The following HS6ST3 variants were observed in gnomAD, a reference collection of about 807,000 sequenced individuals.
HS6ST3 encodes heparan-sulfate 6-O-sulfotransferase 3.
In HS6ST3, 12 loss-of-function variants were observed where a neutral mutation model predicts 36.7. That is an observed-to-expected ratio of 0.33 (90% CI 0.21 to 0.53). The LOEUF is 0.53. Among genes scored for constraint, HS6ST3 ranks in the 20% least tolerant of loss-of-function variants. The pLI is 0.95. For missense variants in HS6ST3, 584 were observed against 640.9 expected, an observed-to-expected ratio of 0.91 and a Z score of 0.96; for synonymous variants, 240 against 257.5, an observed-to-expected ratio of 0.93 and a Z score of 0.65.
At chr13:96,288,492 A>T (rs1331922101) in intron 1 of HS6ST3, among the ~76,000 whole-genome samples, 2 of 152,166 alleles carry the variant, frequency 1.3e-5, no homozygotes, top group Non-Finnish European at 2.9e-5. Flanking sequence ...GAATATAAAG[A>T]TGGGTATCAG....
chr13:96,129,645 G>C (rs978945730), intron 1 of HS6ST3, among the ~76,000 whole-genome samples: 2 of 152,150 alleles, frequency 1.3e-5, no homozygotes, highest in Admixed American at 6.5e-5. Context: ...GTGATGATTT[G>C]AATTGTGTTT....
In HS6ST3 at chr13:96,166,575, C is replaced by CTTTTTT. The variant is rs765190619; in HGVS notation, c.707+75018_707+75023dup. On this transcript the variant is annotated intron_variant, in intron 1 of 1. Transcript: ENST00000376705. ...TTTGCTTTTCTTTCTTTCTTTCTTT[C>CTTTTTT]TTTTTTTTTTTTTTTTTGTAGAGAC... is the stretch of plus-strand genomic sequence containing the variant. Among the ~76,000 whole-genome samples, 110 of 131,554 alleles carry CTTTTTT rather than the reference C, an allele frequency of 8.4e-4. 1 individual carries two copies. The highest frequency in any genetic ancestry group is 2.0e-3 in the African/African-American group (71 of 35,488). The allele number at this position is 131,554 out of a possible 152,430, so 86.3% of individuals were successfully genotyped here.
chr13:96,233,175 T>C lies in HS6ST3; in HGVS notation c.707+141606T>C, dbSNP rs115728808. ...TCTATAAATTGGAAAACAAAAAAAT[T>C]ACAATAAAATGAATTTCTAACTTCC... On this transcript the variant is annotated intron_variant, in intron 1 of 1. Coordinates refer to ENST00000376705, the MANE Select transcript of HS6ST3 (RefSeq NM_153456.4). Among the ~76,000 whole-genome samples, 1,449 of 152,300 alleles carry C rather than the reference T, an allele frequency of 9.5e-3. 30 individuals are homozygous for C. The highest frequency in any genetic ancestry group is 0.033 in the African/African-American group (1,388 of 41,566).
Position 96,833,074 on chromosome 13 carries a change from G to T in HS6ST3, c.1292G>T (p.Arg431Leu). 1 of 1,611,978 alleles carries T rather than the reference G, an allele frequency of 6.2e-7. No individual in the cohort carries two copies. Among genetic ancestry groups the T allele is most frequent in the African/African-American group, 1.3e-5 (1 of 75,050 alleles). The change falls in exon 2 of 2, where the codon CGC becomes CTC. Residue 431 changes from arginine (R) to leucine (L), a missense_variant. By Grantham distance (102) the Arg-to-Leu change is moderately radical. Transcript: ENST00000376705. ...AAGCAGCTAGAGCACCAGAGGGACCGCCAGAAGCGGCGGGAGGAGCGGAGG... is the reference window on the plus strand; with the variant it reads ...AAGCAGCTAGAGCACCAGAGGGACCTCCAGAAGCGGCGGGAGGAGCGGAGG... Reference protein sequence around the residue: ...HTKQLEHQRDRQKRREERRLQ... With the variant: ...HTKQLEHQRDLQKRREERRLQ...
At chr13:96,382,406 T>A (rs1214198323) in intron 1 of HS6ST3, among the ~76,000 whole-genome samples, 2 of 152,220 alleles carry the variant, frequency 1.3e-5, no homozygotes, top group Non-Finnish European at 2.9e-5. Context: ...TGTTATTAGG[T>A]AAGCTATTAT....
chr13:96,713,404 T>C (rs1017763249), intron 1 of HS6ST3, among the ~76,000 whole-genome samples: 2 of 152,188 alleles, frequency 1.3e-5, no homozygotes, highest in Non-Finnish European at 2.9e-5. Context: ...ACTGTAAATA[T>C]AGATTCAGAG....
chr13:96,090,762 T>G lies in HS6ST3; in HGVS notation c.-101T>G. 2.0e-6 allele frequency: 2 copies of G among 990,548 alleles called. No individual in the cohort carries two copies. The highest frequency in any genetic ancestry group is 2.7e-5 in the South Asian group (1 of 36,798). 61.4% of individuals were successfully genotyped at this position (990,548 alleles called of 1,614,324 possible). ...TCAGGGGCATGGAGGAACGGCGGGCTCCGAGCCGCGCCCCGGAGTCCGCGA... is the reference window on the plus strand; with the variant it reads ...TCAGGGGCATGGAGGAACGGCGGGCGCCGAGCCGCGCCCCGGAGTCCGCGA... On this transcript the variant is annotated 5_prime_UTR_variant, in exon 1 of 2. Transcript: ENST00000376705.
chr13:96,235,025 A>C (rs2054527685), intron 1 of HS6ST3, among the ~76,000 whole-genome samples: 1 of 152,176 alleles, frequency 6.6e-6, no homozygotes, highest in Admixed American at 6.5e-5. Context: ...GAAACAACCG[A>C]GACATATAAA....
At chr13:96,526,963 G>T (rs3848011) in intron 1 of HS6ST3, among the ~76,000 whole-genome samples, 1 of 152,232 alleles carries the variant, frequency 6.6e-6, no homozygotes, top group Non-Finnish European at 1.5e-5. Context: ...TAGTGAATAC[G>T]TATTGAAATT....
chr13:96,639,488 C>T (rs2056562511), intron 1 of HS6ST3, among the ~76,000 whole-genome samples: 1 of 151,768 alleles, frequency 6.6e-6, no homozygotes, highest in Admixed American at 6.6e-5. Context: ...TAATATCTGC[C>T]TCTTAATAAT....
At chr13:96,192,404 A>C (rs2054292546) in intron 1 of HS6ST3, among the ~76,000 whole-genome samples, 1 of 152,116 alleles carries the variant, frequency 6.6e-6, no homozygotes, top group Non-Finnish European at 1.5e-5. Context: ...AATAGTGAAC[A>C]TTGTATCCAA....
chr13:96,552,594 A>G (rs948722371), intron 1 of HS6ST3, among the ~76,000 whole-genome samples: 14 of 152,182 alleles, frequency 9.2e-5, no homozygotes, highest in African/African-American at 3.1e-4. Flanking sequence ...TGGGACTGCC[A>G]AAGCTGGACA....
intron 1 of HS6ST3, among the ~76,000 whole-genome samples, chr13:96,446,359 A>G (rs2055698980): frequency 6.6e-6 from 1 of 152,138 alleles, no homozygotes; most frequent in Non-Finnish European, 1.5e-5. Context: ...GCATCTTACT[A>G]TGCATATTGA....
chr13:96,687,042 A>G (rs1874801740), intron 1 of HS6ST3, among the ~76,000 whole-genome samples: 1 of 151,770 alleles, frequency 6.6e-6, no homozygotes, highest in Non-Finnish European at 1.5e-5. Context: ...CTTTTTGTTA[A>G]AGAAACACTG....
At chr13:96,603,607 G>C (rs914704499) in intron 1 of HS6ST3, among the ~76,000 whole-genome samples, 1 of 152,178 alleles carries the variant, frequency 6.6e-6, no homozygotes, top group African/African-American at 2.4e-5. Context: ...CATAGGGTAT[G>C]TGTATGTTTA....
At chr13:96,256,218 A>G (rs551097556) in intron 1 of HS6ST3, among the ~76,000 whole-genome samples, 6 of 152,332 alleles carry the variant, frequency 3.9e-5, no homozygotes, top group African/African-American at 1.2e-4. Context: ...CTAGAAGGAA[A>G]TGGAGTTTCA....
intron 1 of HS6ST3, among the ~76,000 whole-genome samples, chr13:96,193,791 A>G (rs1300548819): frequency 6.6e-6 from 1 of 152,208 alleles, no homozygotes; most frequent in Non-Finnish European, 1.5e-5. Context: ...AAAGAGGAGT[A>G]GTGAAGTTTC....
intron 1 of HS6ST3, among the ~76,000 whole-genome samples, chr13:96,098,471 C>T (rs917223637): frequency 1.3e-5 from 2 of 152,034 alleles, no homozygotes; most frequent in African/African-American, 4.8e-5. Context: ...AATTTATCAG[C>T]CACTGAAAAT....
At chr13:96,644,926 A>G (rs540236240) in intron 1 of HS6ST3, among the ~76,000 whole-genome samples, 26 of 151,822 alleles carry the variant, frequency 1.7e-4, no homozygotes, top group Non-Finnish European at 3.4e-4. Flanking sequence ...CTCTAAGAAA[A>G]TTTTTTCTTA....
Sources: gnomAD v4.1 joint callset for allele counts (sites outside exome capture counted in the v4.1 genomes callset) on GRCh38, gnomAD v4.1.1 for gene constraint, MANE v1.5 for transcripts, NCBI Gene and HGNC (gene_info 2026-07-23, HGNC 2026-07-21) for gene names.